Variants in MAD1L1 observed in about 807,000 individuals in gnomAD.
MAD1L1 encodes the protein mitotic spindle assembly checkpoint protein MAD1.
MAD1L1 carries 95 observed loss-of-function variants against 96.9 expected under a neutral mutation model. The observed-to-expected ratio is 0.98, with a 90% CI of 0.83 to 1.16. The LOEUF (loss-of-function observed/expected upper bound fraction) is 1.16, where lower values mean the gene tolerates loss of function less well. Ranked by LOEUF, MAD1L1 falls within the 50% of genes most tolerant of loss-of-function variation. The pLI, the probability that MAD1L1 is intolerant of heterozygous loss-of-function variation, is 0.00. For missense variants in MAD1L1, 1,007 were observed against 954.4 expected (o/e 1.06, Z -0.73); for synonymous variants, 473 against 396.6 (o/e 1.19, Z -2.29).
chr7:2,117,471 A>T (rs900212222), intron 11 of MAD1L1, among the ~76,000 whole-genome samples: 2 of 152,192 alleles, frequency 1.3e-5, no homozygotes, highest in African/African-American at 4.8e-5. Flanking sequence ...ATCTCATCTG[A>T]AACTGTAGTT....
At chr7:2,168,598 T>A (rs1157150276) in intron 10 of MAD1L1, among the ~76,000 whole-genome samples, 1 of 152,218 alleles carries the variant, frequency 6.6e-6, no homozygotes, top group Non-Finnish European at 1.5e-5. Flanking sequence ...GGAGACCTCA[T>A]CCTGATCTGT....
At chr7:2,126,522 C>T (rs1416424182) in intron 11 of MAD1L1, among the ~76,000 whole-genome samples, 1 of 152,126 alleles carries the variant, frequency 6.6e-6, no homozygotes, top group Non-Finnish European at 1.5e-5. Flanking sequence ...CCTGACCTGA[C>T]AGCCCAGGCC....
chr7:2,070,127 G>A (rs1785054958), intron 11 of MAD1L1, among the ~76,000 whole-genome samples: 1 of 152,226 alleles, frequency 6.6e-6, no homozygotes, highest in Non-Finnish European at 1.5e-5. Flanking sequence ...CCGAGTTCGT[G>A]GCCTGGCAGT....
chr7:1,976,050 T>A (rs929923835), intron 15 of MAD1L1, among the ~76,000 whole-genome samples: 1 of 152,224 alleles, frequency 6.6e-6, no homozygotes, highest in Non-Finnish European at 1.5e-5. Flanking sequence ...CCACCGACGC[T>A]CTCTCTAGCT....
At chr7:2,054,388 C>T (rs1042418570) in intron 12 of MAD1L1, among the ~76,000 whole-genome samples, 10 of 152,280 alleles carry the variant, frequency 6.6e-5, no homozygotes, top group South Asian at 2.1e-4. Flanking sequence ...ACACTGGAGA[C>T]GGGTAAAATG....
At chr7:2,112,103 G>A (rs1326915849) in intron 11 of MAD1L1, among the ~76,000 whole-genome samples, 2 of 152,172 alleles carry the variant, frequency 1.3e-5, no homozygotes, top group South Asian at 4.1e-4. Context: ...ACAGCCACGC[G>A]GTGAGTCCCA....
At chr7:2,145,337 T>TC (rs1299809057) in intron 11 of MAD1L1, among the ~76,000 whole-genome samples, 2 of 152,222 alleles carry the variant, frequency 1.3e-5, no homozygotes, top group African/African-American at 4.8e-5. Flanking sequence ...AAGCAGTAAG[T>TC]CCTACACTGA....
intron 12 of MAD1L1, among the ~76,000 whole-genome samples, chr7:2,047,521 C>G (rs1191620922): frequency 1.3e-5 from 2 of 152,238 alleles, no homozygotes; most frequent in Non-Finnish European, 2.9e-5. Flanking sequence ...TCTGTAAATA[C>G]AGATCCTGCT....
At chr7:1,822,128 G>A (rs1268634278) in intron 18 of MAD1L1, among the ~76,000 whole-genome samples, 1 of 152,034 alleles carries the variant, frequency 6.6e-6, no homozygotes, top group Non-Finnish European at 1.5e-5. Context: ...AAGGTTGCAG[G>A]AAATAAGATG....
At chr7:1,891,197 ATGTGCTTGTG>A in intron 18 of MAD1L1, among the ~76,000 whole-genome samples, 1 of 152,198 alleles carries the variant, frequency 6.6e-6, no homozygotes, top group African/African-American at 2.4e-5. Context: ...TAGCTGTAGG[ATGTGCTTGTG>A]CTTTAAGCTA....
At chr7:2,124,654 C>T (rs1021697262) in intron 11 of MAD1L1, among the ~76,000 whole-genome samples, 6 of 152,174 alleles carry the variant, frequency 3.9e-5, no homozygotes, top group Non-Finnish European at 5.9e-5. Context: ...GGGCTCCACG[C>T]CTCCCCAGGG....
chr7:1,950,383 C>T (rs1336139809), intron 16 of MAD1L1, among the ~76,000 whole-genome samples: 1 of 152,210 alleles, frequency 6.6e-6, no homozygotes. Flanking sequence ...CGCAAGCCCT[C>T]ATGAAAGCTC....
intron 17 of MAD1L1, among the ~76,000 whole-genome samples, chr7:1,919,612 G>A (rs138788486): frequency 2.0e-5 from 3 of 152,338 alleles, no homozygotes; most frequent in Non-Finnish European, 4.4e-5. Context: ...AGCCGCCATC[G>A]TCGCCATCAC....
At chr7:2,062,373 G>A (rs774121723) in intron 12 of MAD1L1, among the ~76,000 whole-genome samples, 1 of 150,960 alleles carries the variant, frequency 6.6e-6, no homozygotes, top group African/African-American at 2.4e-5. Flanking sequence ...TCAGGAGTTC[G>A]AGACCAACCT....
intron 12 of MAD1L1, among the ~76,000 whole-genome samples, chr7:2,039,685 T>C (rs1783592847): frequency 6.6e-6 from 1 of 152,182 alleles, no homozygotes; most frequent in African/African-American, 2.4e-5. Context: ...CTTTTGCTTG[T>C]TTGCTAATTA....
At chr7:1,844,890 C>A (rs1434048887) in intron 18 of MAD1L1, among the ~76,000 whole-genome samples, 3 of 152,240 alleles carry the variant, frequency 2.0e-5, no homozygotes, top group Non-Finnish European at 4.4e-5. Flanking sequence ...CTGCCTCGCA[C>A]AGCTGCTGCC....
At position 2,222,508 on chromosome 7, in the gene MAD1L1, G is replaced by A. The variant is rs1793660755; in HGVS notation, c.471+67C>T. ...GAAAACACAAGCGGGCACTGCAGTG[G>A]CAAACAAGAGCATGCACTCCCTCTC... On this transcript the variant is annotated intron_variant, in intron 5 of 18. Transcript: ENST00000265854. 22 of 1,416,912 alleles carry A rather than the reference G, an allele frequency of 1.6e-5. No homozygotes were observed. In the South Asian group the frequency reaches 3.2e-4, roughly 21 times the overall value. The allele number at this position is 1,416,912 out of a possible 1,614,324, so 87.8% of individuals were successfully genotyped here.
At chr7:2,005,620 C>A (rs1374958349) in intron 13 of MAD1L1, among the ~76,000 whole-genome samples, 1 of 152,044 alleles carries the variant, frequency 6.6e-6, no homozygotes, top group Non-Finnish European at 1.5e-5. Context: ...GGACAACATA[C>A]AGAGATCCTG....
intron 17 of MAD1L1, among the ~76,000 whole-genome samples, chr7:1,900,110 TCA>T (rs1174542073): frequency 2.0e-5 from 3 of 151,490 alleles, no homozygotes; most frequent in Non-Finnish European, 2.9e-5. Flanking sequence ...TGGCGTGAGC[TCA>T]GTCGAGCAGC....
Sources: gnomAD v4.1 joint callset for allele counts (sites outside exome capture counted in the v4.1 genomes callset) on GRCh38, gnomAD v4.1.1 for gene constraint, MANE v1.5 for transcripts, NCBI Gene and HGNC (gene_info 2026-07-23, HGNC 2026-07-21) for gene names.